PDE11A: variants seen among roughly 807,000 people sequenced by gnomAD.
PDE11A encodes the protein dual 3',5'-cyclic-AMP and -GMP phosphodiesterase 11A.
In PDE11A, 100 loss-of-function variants were observed where a neutral mutation model predicts 100.5. That is an observed-to-expected ratio of 1.00 (90% CI 0.85 to 1.18). PDE11A has a LOEUF of 1.18. Ranked by LOEUF, PDE11A falls within the 50% of genes most tolerant of loss-of-function variation. The pLI, the probability that PDE11A is intolerant of heterozygous loss-of-function variation, is 0.00. For synonymous variants in PDE11A, 381 were observed against 420.8 expected, an observed-to-expected ratio of 0.91 and a Z score of 1.16; for missense variants, 1,141 against 1,152.6, an observed-to-expected ratio of 0.99 and a Z score of 0.15.
At chr2:178,101,185 A>C (rs1026543543) in intron 2 of PDE11A, among the ~76,000 whole-genome samples, 8 of 152,222 alleles carry the variant, frequency 5.3e-5, no homozygotes, top group African/African-American at 1.9e-4. Context: ...GGGTTCCCAC[A>C]ACCTCATCGA....
Position 177,703,980 on chromosome 2 carries a change from C to G in PDE11A, c.2154-2769G>C, listed in dbSNP as rs765963158. ...CCTCGTCAGATTCCCTCTTTGTTCT[C>G]TTTTGTAATTCCATCTTACTTTCTG... On this transcript the variant is annotated intron_variant, in intron 13 of 19. Coordinates refer to ENST00000286063, the MANE Select transcript of PDE11A (RefSeq NM_016953.4). 3.3e-5 allele frequency among the ~76,000 whole-genome samples: 5 copies of G among 152,324 alleles called. No individual in the cohort carries two copies. In the East Asian group the frequency reaches 9.6e-4, roughly 29 times the overall value.
At chr2:177,965,216 G>A (rs2085683829) in intron 2 of PDE11A, among the ~76,000 whole-genome samples, 1 of 152,054 alleles carries the variant, frequency 6.6e-6, no homozygotes, top group Non-Finnish European at 1.5e-5. Context: ...TAATGGCATT[G>A]TTTGCTTTTT....
chr2:177,837,461 G>T (rs1222191425), intron 6 of PDE11A, among the ~76,000 whole-genome samples: 1 of 150,342 alleles, frequency 6.7e-6, no homozygotes, highest in Non-Finnish European at 1.5e-5. Flanking sequence ...TGGAGAATGG[G>T]TACTTTCTTT....
At chr2:177,879,139 T>A (rs78726666) in intron 4 of PDE11A, among the ~76,000 whole-genome samples, 1 of 152,210 alleles carries the variant, frequency 6.6e-6, no homozygotes, top group African/African-American at 2.4e-5. Context: ...AGATGTTAAT[T>A]TCTGCAAATC....
chr2:177,994,566 T>A (rs922658226), intron 2 of PDE11A, among the ~76,000 whole-genome samples: 4 of 152,246 alleles, frequency 2.6e-5, no homozygotes, highest in Non-Finnish European at 2.9e-5. Context: ...GTGTTTTATA[T>A]ACTGATCCTA....
chr2:177,695,797 G>T (rs2081103242), intron 15 of PDE11A, among the ~76,000 whole-genome samples: 1 of 152,142 alleles, frequency 6.6e-6, no homozygotes, highest in Non-Finnish European at 1.5e-5. Flanking sequence ...AGCTTTTCGT[G>T]TCTTAAGCTT....
chr2:177,663,755 C>T, intron 19 of PDE11A, 111 bp downstream of exon 19: 3 of 740,934 alleles, frequency 4.0e-6, no homozygotes, highest in Non-Finnish European at 7.3e-6. Flanking sequence ...CCAGAGCTCT[C>T]CGCAATGTGC....
At chr2:177,841,733 A>G (rs1281034228) in intron 5 of PDE11A, among the ~76,000 whole-genome samples, 1 of 152,246 alleles carries the variant, frequency 6.6e-6, no homozygotes, top group Non-Finnish European at 1.5e-5. Context: ...AAACATTAAT[A>G]ATACATAAAC....
At chr2:177,654,232 T>C (rs1254900103) in intron 19 of PDE11A, among the ~76,000 whole-genome samples, 2 of 152,158 alleles carry the variant, frequency 1.3e-5, no homozygotes, top group African/African-American at 2.4e-5. Context: ...CAAAGGATAA[T>C]GTGAAAGTTG....
At chr2:177,829,093 A>T (rs1250167326) in intron 6 of PDE11A, among the ~76,000 whole-genome samples, 1 of 152,126 alleles carries the variant, frequency 6.6e-6, no homozygotes, top group African/African-American at 2.4e-5. Context: ...CATGTTCAAC[A>T]TCAGAGAAAG....
At chr2:177,773,864 C>T (rs575321662) in intron 9 of PDE11A, among the ~76,000 whole-genome samples, 1 of 152,300 alleles carries the variant, frequency 6.6e-6, no homozygotes, top group Non-Finnish European at 1.5e-5. Flanking sequence ...AAGATGGTAG[C>T]ATTGTTCCCT....
intron 4 of PDE11A, among the ~76,000 whole-genome samples, chr2:177,883,260 T>C (rs1222051960): frequency 7.2e-6 from 1 of 139,694 alleles, no homozygotes; most frequent in Non-Finnish European, 1.5e-5. Context: ...ACAGCAAGAC[T>C]CTGTCTCAAA....
chr2:178,034,357 G>A (rs917882035), intron 1 of PDE11A, among the ~76,000 whole-genome samples: 6 of 152,312 alleles, frequency 3.9e-5, no homozygotes, highest in East Asian at 3.9e-4. Context: ...CAATACAGGA[G>A]CACTCAGATT....
At chr2:177,967,902 T>A (rs1446359463) in intron 2 of PDE11A, among the ~76,000 whole-genome samples, 3 of 152,220 alleles carry the variant, frequency 2.0e-5, no homozygotes, top group Admixed American at 2.0e-4. Context: ...TATTTTTGCT[T>A]GTTTTATTGA....
chr2:178,100,921 T>C (rs1327711964), intron 2 of PDE11A, among the ~76,000 whole-genome samples: 1 of 152,136 alleles, frequency 6.6e-6, no homozygotes, highest in Non-Finnish European at 1.5e-5. Flanking sequence ...AACAGGATAA[T>C]AATAAAATGA....
chr2:177,807,152 G>C (rs115194426), intron 9 of PDE11A, among the ~76,000 whole-genome samples: 1,633 of 151,964 alleles, frequency 0.011, 15 homozygotes, highest in East Asian at 0.059. Context: ...GATCTAAAAG[G>C]AAATGTTAAA....
intron 2 of PDE11A, among the ~76,000 whole-genome samples, chr2:177,916,728 C>T (rs7605249): frequency 0.12 from 15,791 of 126,790 alleles, 1,128 homozygotes; most frequent in Non-Finnish European, 0.18. Flanking sequence ...CTTGAAGGTT[C>T]TTTTTATTTT....
intron 9 of PDE11A, among the ~76,000 whole-genome samples, chr2:177,802,292 T>C (rs1553476465): frequency 6.6e-6 from 1 of 152,016 alleles, no homozygotes; most frequent in Non-Finnish European, 1.5e-5. Flanking sequence ...TTTGGAAAAA[T>C]ATATACCTGG....
chr2:177,881,655 G>A (rs1447056332), intron 4 of PDE11A, among the ~76,000 whole-genome samples: 1 of 152,246 alleles, frequency 6.6e-6, no homozygotes, highest in East Asian at 1.9e-4. Flanking sequence ...CTCAAAAGCA[G>A]GAGTGGGCAA....
Sources: gnomAD v4.1 joint callset for allele counts (sites outside exome capture counted in the v4.1 genomes callset) on GRCh38, gnomAD v4.1.1 for gene constraint, MANE v1.5 for transcripts, NCBI Gene and HGNC (gene_info 2026-07-23, HGNC 2026-07-21) for gene names.